The following FAM114A1 variants were observed in gnomAD, a reference collection of about 807,000 sequenced individuals.
FAM114A1 encodes the protein family with sequence similarity 114 member A1, also known as protein NOXP20.
FAM114A1 carries 62 observed loss-of-function variants against 64.3 expected under a neutral mutation model. The ratio of observed to expected loss-of-function variants is 0.96; its 90% CI spans 0.79 to 1.19. The LOEUF (loss-of-function observed/expected upper bound fraction) is 1.19. Among genes scored for constraint, FAM114A1 ranks in the 50% most tolerant of loss-of-function variants. The probability of loss-of-function intolerance (pLI) is 0.00; values close to 1 mark genes in which losing one functional copy is unlikely to be tolerated. For missense variants in FAM114A1, 645 were observed against 676.3 expected (o/e 0.95, Z 0.51); for synonymous variants, 254 against 251.1 (o/e 1.01, Z -0.11).
chr4:38,929,003 G>C, intron 9 of FAM114A1: 1 of 489,454 alleles, frequency 2.0e-6, no homozygotes, highest in Non-Finnish European at 3.7e-6. Context: ...TTGTCCTGGG[G>C]GTGTCCCTGC....
At chr4:38,928,791 G>T (rs1720368463) in intron 9 of FAM114A1, among the ~76,000 whole-genome samples, 1 of 152,154 alleles carries the variant, frequency 6.6e-6, no homozygotes. Flanking sequence ...GGACATAAAA[G>T]GGCACCTGGG....
chr4:38,910,562 A>G (rs1718441340), intron 7 of FAM114A1, among the ~76,000 whole-genome samples: 1 of 152,186 alleles, frequency 6.6e-6, no homozygotes, highest in Non-Finnish European at 1.5e-5. Flanking sequence ...GGGGAAAAAG[A>G]CAAAGTAGAA....
At chr4:38,885,282 G>C (rs1715686305) in intron 3 of FAM114A1, among the ~76,000 whole-genome samples, 1 of 151,260 alleles carries the variant, frequency 6.6e-6, no homozygotes, top group Non-Finnish European at 1.5e-5. Context: ...GCCCCGTCCT[G>C]TTTTAAAAAA....
intron 7 of FAM114A1, among the ~76,000 whole-genome samples, chr4:38,911,478 C>A (rs1390675625): frequency 6.6e-6 from 1 of 152,216 alleles, no homozygotes; most frequent in African/African-American, 2.4e-5. Context: ...TCACACCCTC[C>A]ACTGGAGGCA....
At chr4:38,876,872 C>T (rs1039412679) in intron 2 of FAM114A1, among the ~76,000 whole-genome samples, 5 of 152,188 alleles carry the variant, frequency 3.3e-5, no homozygotes, top group African/African-American at 9.7e-5. Flanking sequence ...CTTTGAAGTG[C>T]GTCACTCCAG....
chr4:38,925,504 T>C (rs1720021475), intron 9 of FAM114A1, among the ~76,000 whole-genome samples: 1 of 152,236 alleles, frequency 6.6e-6, no homozygotes. Context: ...TCCATTTTTT[T>C]CCTTGTAAGC....
At chr4:38,915,226 C>G (rs1718933122) in intron 8 of FAM114A1, among the ~76,000 whole-genome samples, 153 bp downstream of exon 8, 2 of 152,158 alleles carry the variant, frequency 1.3e-5, no homozygotes, top group Admixed American at 6.6e-5. Context: ...GGATGACCCT[C>G]GAGCTCCATA....
chr4:38,930,479 C>G (rs948131962), intron 10 of FAM114A1, among the ~76,000 whole-genome samples: 7 of 152,092 alleles, frequency 4.6e-5, no homozygotes, highest in Non-Finnish European at 8.8e-5. Flanking sequence ...GCAGCATCTG[C>G]CACTGCTCAG....
chr4:38,880,454 A>T (rs1283706558), intron 3 of FAM114A1, among the ~76,000 whole-genome samples: 1 of 152,184 alleles, frequency 6.6e-6, no homozygotes, highest in Non-Finnish European at 1.5e-5. Flanking sequence ...ACACTTTTTC[A>T]TCCATTGATC....
At chr4:38,898,734 A>G (rs954104993) in intron 4 of FAM114A1, among the ~76,000 whole-genome samples, 3 of 152,090 alleles carry the variant, frequency 2.0e-5, no homozygotes, top group African/African-American at 7.2e-5. Flanking sequence ...TGGAGAGGAA[A>G]GACTATTCCA....
At chr4:38,874,771 T>C (rs6838351) in intron 2 of FAM114A1, among the ~76,000 whole-genome samples, 36,304 of 151,908 alleles carry the variant, frequency 0.24, 4,823 homozygotes, top group Non-Finnish European at 0.28. Flanking sequence ...GTTTCCTATG[T>C]TCCTAGGTTT....
At chr4:38,887,356 G>C (rs1715923147) in intron 3 of FAM114A1, among the ~76,000 whole-genome samples, 1 of 152,082 alleles carries the variant, frequency 6.6e-6, no homozygotes, top group Non-Finnish European at 1.5e-5. Flanking sequence ...TGTTTGATTT[G>C]GTCCTTTTTA....
In FAM114A1 at chr4:38,890,319, C is replaced by T. The variant is rs559824972; in HGVS notation, c.349-1424C>T. On this transcript the variant is annotated intron_variant, in intron 3 of 14. Transcript: ENST00000358869. Reference sequence around the variant, plus strand: ...TTGGGAGGCTGAGGCAGGAGAATGGCGTGAACCCGGGAGGTGGAGCTTGCA... The same window carrying T: ...TTGGGAGGCTGAGGCAGGAGAATGGTGTGAACCCGGGAGGTGGAGCTTGCA... 2.2e-3 allele frequency among the ~76,000 whole-genome samples: 329 copies of T among 150,346 alleles called. 2 individuals carry two copies. The highest frequency in any genetic ancestry group is 7.6e-3 in the African/African-American group (308 of 40,742).
chr4:38,905,513 T>C lies in FAM114A1; in HGVS notation c.437-9T>C. ...ATGTATCCATGAACCATATTTTTATTTCCAACAGGTCATGGATTGACGGCA... is the reference window on the plus strand; with the variant it reads ...ATGTATCCATGAACCATATTTTTATCTCCAACAGGTCATGGATTGACGGCA... On this transcript the variant is annotated splice_polypyrimidine_tract_variant and intron_variant, in intron 4 of 14. Transcript: ENST00000358869. The C allele has an allele frequency of 6.2e-7, 1 of 1,602,688 alleles. No individual in the cohort carries two copies. Among genetic ancestry groups the C allele is most frequent in the Non-Finnish European group, 8.5e-7 (1 of 1,170,664 alleles).
chr4:38,902,167 G>A (rs1290646320), intron 4 of FAM114A1, among the ~76,000 whole-genome samples: 1 of 152,160 alleles, frequency 6.6e-6, no homozygotes, highest in African/African-American at 2.4e-5. Flanking sequence ...TAGGACCTTG[G>A]GAAAGTGATT....
chr4:38,903,059 T>C (rs1717662158), intron 4 of FAM114A1, among the ~76,000 whole-genome samples: 3 of 152,148 alleles, frequency 2.0e-5, no homozygotes, highest in Admixed American at 2.0e-4. Flanking sequence ...TTTATATTTC[T>C]GGTAGAATGC....
intron 12 of FAM114A1, among the ~76,000 whole-genome samples, chr4:38,933,166 C>A (rs138120475): frequency 6.6e-6 from 1 of 152,086 alleles, no homozygotes; most frequent in Non-Finnish European, 1.5e-5. Context: ...ATAAGGATTT[C>A]TTTAGCAAGT....
intron 3 of FAM114A1, among the ~76,000 whole-genome samples, chr4:38,883,264 G>A (rs1715475896): frequency 6.6e-6 from 1 of 152,172 alleles, no homozygotes; most frequent in Admixed American, 6.5e-5. Context: ...GATAGGACAG[G>A]CACAAGGGAG....
intron 9 of FAM114A1, among the ~76,000 whole-genome samples, chr4:38,925,917 C>T (rs1424472054): frequency 6.6e-6 from 1 of 151,928 alleles, no homozygotes; most frequent in African/African-American, 2.4e-5. Context: ...GTATGTTTTA[C>T]AGAATTAATA....
Sources: gnomAD v4.1 joint callset for allele counts (sites outside exome capture counted in the v4.1 genomes callset) on GRCh38, gnomAD v4.1.1 for gene constraint, MANE v1.5 for transcripts, NCBI Gene and HGNC (gene_info 2026-07-23, HGNC 2026-07-21) for gene names.